SPPL3: variants seen among roughly 807,000 people sequenced by gnomAD.
The protein encoded by SPPL3 is signal peptide peptidase like 3, also known as signal peptide peptidase-like 3.
A neutral mutation model predicts 42.4 loss-of-function variants in SPPL3; 5 were observed. The ratio of observed to expected loss-of-function variants is 0.12; its 90% CI spans 0.06 to 0.25. The LOEUF (loss-of-function observed/expected upper bound fraction) is 0.25. Among genes scored for constraint, SPPL3 ranks in the 10% least tolerant of loss-of-function variants. The pLI is 1.00. For missense variants in SPPL3, 235 were observed against 489.0 expected (o/e 0.48, Z 4.90); for synonymous variants, 195 against 181.8 (o/e 1.07, Z -0.58).
chr12:120,805,645 A>T (rs945822190), intron 2 of SPPL3, among the ~76,000 whole-genome samples: 1 of 152,248 alleles, frequency 6.6e-6, no homozygotes, highest in Non-Finnish European at 1.5e-5. Flanking sequence ...TACCAGCACT[A>T]ATAAATGAGT....
At position 120,776,156 on chromosome 12, in the gene SPPL3, G is replaced by C. The variant is rs890650266; in HGVS notation, c.502+6499C>G. ...AAGGGCGTTTCAACCAGTGCAAACT[G>C]GCAGGAAGAAGAGATCTGTGGATAA... On this transcript the variant is annotated intron_variant, in intron 6 of 10. Coordinates refer to ENST00000353487, the MANE Select transcript of SPPL3 (RefSeq NM_139015.5). Among the ~76,000 whole-genome samples, 3 of 152,168 alleles carry C rather than the reference G, an allele frequency of 2.0e-5. No homozygotes were observed. The South Asian group carries it at 6.2e-4, about 32-fold the overall frequency.
At chr12:120,851,040 T>C (rs1872206492) in intron 1 of SPPL3, among the ~76,000 whole-genome samples, 1 of 152,198 alleles carries the variant, frequency 6.6e-6, no homozygotes. Context: ...GACATGGACA[T>C]GTTTTAGGGG....
intron 3 of SPPL3, among the ~76,000 whole-genome samples, chr12:120,790,799 G>A (rs965166178): frequency 2.6e-5 from 4 of 151,338 alleles, no homozygotes; most frequent in Non-Finnish European, 5.9e-5. Flanking sequence ...AGGAGGTGAA[G>A]AGGTATTTGC....
At chr12:120,878,656 C>T (rs1484053526) in intron 1 of SPPL3, among the ~76,000 whole-genome samples, 1 of 152,042 alleles carries the variant, frequency 6.6e-6, no homozygotes, top group Non-Finnish European at 1.5e-5. Context: ...AATTCAGGAC[C>T]AAGATAAAAT....
At chr12:120,794,485 C>T (rs1326585987) in intron 2 of SPPL3, among the ~76,000 whole-genome samples, 3 of 152,074 alleles carry the variant, frequency 2.0e-5, no homozygotes, top group Non-Finnish European at 4.4e-5. Context: ...GCAACCTCTG[C>T]CTCCCAGGTT....
intron 1 of SPPL3, among the ~76,000 whole-genome samples, chr12:120,823,762 C>A (rs1360357184): frequency 6.6e-6 from 1 of 152,204 alleles, no homozygotes; most frequent in African/African-American, 2.4e-5. Flanking sequence ...AAGAGCTTCC[C>A]ATTATGATCC....
intron 1 of SPPL3, among the ~76,000 whole-genome samples, chr12:120,895,298 G>A (rs1208493463): frequency 6.6e-6 from 1 of 151,616 alleles, no homozygotes; most frequent in African/African-American, 2.4e-5. Context: ...GTATTGGCGC[G>A]CAGCTATAAA....
chr12:120,817,397 T>C (rs1415187025), intron 1 of SPPL3, among the ~76,000 whole-genome samples: 3 of 152,226 alleles, frequency 2.0e-5, no homozygotes, highest in East Asian at 1.9e-4. Flanking sequence ...ATCATTGACA[T>C]AGCCAAAGAG....
At chr12:120,812,541 T>A (rs1870720021) in intron 1 of SPPL3, among the ~76,000 whole-genome samples, 1 of 152,166 alleles carries the variant, frequency 6.6e-6, no homozygotes, top group Non-Finnish European at 1.5e-5. Flanking sequence ...ACCTTCCACA[T>A]GGTAACTGAA....
At chr12:120,896,407 C>T (rs1045687300) in intron 1 of SPPL3, among the ~76,000 whole-genome samples, 1 of 152,132 alleles carries the variant, frequency 6.6e-6, no homozygotes, top group African/African-American at 2.4e-5. Context: ...CTCTGAGCAC[C>T]TCAGACGTTA....
chr12:120,766,458 G>C (rs1019657399), intron 9 of SPPL3, 86 bp from the exon 10 acceptor site: 1 of 1,044,572 alleles, frequency 9.6e-7, no homozygotes, highest in Non-Finnish European at 1.4e-6. Context: ...CAACTGTACA[G>C]ATCTAATGTG....
intron 1 of SPPL3, among the ~76,000 whole-genome samples, chr12:120,820,245 T>G (rs908655605): frequency 1.3e-5 from 2 of 152,020 alleles, no homozygotes; most frequent in Admixed American, 1.3e-4. Flanking sequence ...CTTACAGAAA[T>G]GTTCATTTTT....
chr12:120,832,910 C>G (rs1393462027), intron 1 of SPPL3, among the ~76,000 whole-genome samples: 1 of 152,152 alleles, frequency 6.6e-6, no homozygotes, highest in Non-Finnish European at 1.5e-5. Flanking sequence ...GCATAAGAGA[C>G]TATTTTAGGC....
chr12:120,873,340 T>G (rs1311480009), intron 1 of SPPL3, among the ~76,000 whole-genome samples: 1 of 151,784 alleles, frequency 6.6e-6, no homozygotes, highest in Non-Finnish European at 1.5e-5. Context: ...ACAGCTGAAC[T>G]AGAATACAGG....
chr12:120,796,563 C>T (rs552294059), intron 2 of SPPL3, among the ~76,000 whole-genome samples: 2 of 152,196 alleles, frequency 1.3e-5, no homozygotes, highest in African/African-American at 4.8e-5. Context: ...CATCTCTGCA[C>T]GTATGCTAGA....
intron 1 of SPPL3, among the ~76,000 whole-genome samples, chr12:120,876,616 CAAAAA>C (rs71076676): frequency 2.0e-5 from 1 of 51,236 alleles, no homozygotes; most frequent in Non-Finnish European, 3.5e-5. Flanking sequence ...GACTCTGTCT[CAAAAA>C]AAAAAAAAAA....
chr12:120,868,254 A>G lies in SPPL3; in HGVS notation c.23+35591T>C, dbSNP rs73217003. 8.9e-3 allele frequency among the ~76,000 whole-genome samples: 1,348 copies of G among 151,996 alleles called. 14 individuals are homozygous for G. Among genetic ancestry groups the G allele is most frequent in the Non-Finnish European group, 0.015 (996 of 67,954 alleles). ...CTGGGTGACGGAGCAAGACCCTGTC[A>G]CTGCAAAATAAAAAAAAAAAATGTT... On this transcript the variant is annotated intron_variant, in intron 1 of 10. Transcript: ENST00000353487.
Position 120,767,450 on chromosome 12 carries a change from G to A in SPPL3, c.917C>T (p.Ser306Phe), listed in dbSNP as rs963225895. 1.2e-6 allele frequency: 2 copies of A among 1,614,108 alleles called. No homozygotes were observed. The highest frequency in any genetic ancestry group is 1.7e-6 in the Non-Finnish European group (2 of 1,180,038). The change falls in exon 9 of 11, where the codon TCC (serine) becomes TTC (phenylalanine). Residue 306 changes from serine to phenylalanine, a missense_variant. Ser to Phe is a radical substitution (Grantham distance 155). This residue lies in a region of SPPL3 where 29 missense variants were observed against 16.4 expected (regional missense o/e 1.77). Coordinates refer to ENST00000353487, the MANE Select transcript of SPPL3 (RefSeq NM_139015.5). ...SCGAPGPANISGRMQKVSYFH... is the reference protein window; with the variant it reads ...SCGAPGPANIFGRMQKVSYFH... ...GTAGGAGACCTTCTGCATGCGCCCG[G>A]AGATGTTGGCAGGTCCAGGGGCCCC...
At chr12:120,781,086 C>G (rs1393668831) in intron 6 of SPPL3, among the ~76,000 whole-genome samples, 1 of 152,146 alleles carries the variant, frequency 6.6e-6, no homozygotes, top group Non-Finnish European at 1.5e-5. Context: ...GCAGTACCTA[C>G]TTCAAAGAGT....
Sources: allele counts gnomAD v4.1 joint callset (sites outside exome capture counted in the v4.1 genomes callset), GRCh38; gene constraint gnomAD v4.1.1; regional missense constraint gnomAD v4.1.1; transcripts MANE v1.5; gene names NCBI Gene and HGNC (gene_info 2026-07-23, HGNC 2026-07-21).